The following AMBRA1 variants were observed in gnomAD, a reference collection of about 807,000 sequenced individuals.
The protein encoded by AMBRA1 is autophagy and beclin 1 regulator 1.
In AMBRA1, 47 loss-of-function variants were observed where a neutral mutation model predicts 125.4. The observed-to-expected ratio is 0.37, with a 90% CI of 0.30 to 0.48. AMBRA1 has a LOEUF of 0.48. Ranked by LOEUF, AMBRA1 falls within the 20% of genes least tolerant of loss-of-function variation. AMBRA1 has a pLI of 0.99. For missense variants in AMBRA1, 1,331 were observed against 1,693.4 expected (o/e 0.79, Z 3.76); for synonymous variants, 626 against 655.5 (o/e 0.95, Z 0.69).
chr11:46,494,183 C>T lies in AMBRA1; in HGVS notation c.2361G>A (p.Arg787=). Residue 787 remains arginine (R), a synonymous_variant, in exon 10 of 18, where the codon AGG becomes AGA. Coordinates refer to ENST00000683756, the MANE Select transcript of AMBRA1 (RefSeq NM_001387011.1). ...EDFEDNGDRS[R]HRAPRNARMS... ...TCCGGGCATTGCGTGGAGCTCGGTG[C>T]CTGGATCTGTCACCATTGTCCCTGA... 1 of 1,602,656 alleles carries T rather than the reference C, an allele frequency of 6.2e-7. No individual in the cohort carries two copies. The highest frequency in any genetic ancestry group is 8.5e-7 in the Non-Finnish European group (1 of 1,174,126).
chr11:46,477,362 G>A (rs1030044135), intron 11 of AMBRA1, among the ~76,000 whole-genome samples: 1 of 149,892 alleles, frequency 6.7e-6, no homozygotes, highest in South Asian at 2.1e-4. Context: ...CTGTCACTCA[G>A]ACTGGAGTGC....
intron 1 of AMBRA1, among the ~76,000 whole-genome samples, chr11:46,571,650 TAG>T (rs1325074085): frequency 6.6e-6 from 1 of 150,948 alleles, no homozygotes; most frequent in African/African-American, 2.4e-5. Flanking sequence ...CACTCTAGCC[TAG>T]GTGACAGAAT....
At chr11:46,556,406 C>T (rs369798860) in intron 1 of AMBRA1, among the ~76,000 whole-genome samples, 68 of 152,206 alleles carry the variant, frequency 4.5e-4, no homozygotes, top group African/African-American at 1.5e-3. Flanking sequence ...AACACATTCC[C>T]GAAGGCAAAC....
intron 7 of AMBRA1, among the ~76,000 whole-genome samples, chr11:46,517,935 G>T (rs183860389): frequency 6.6e-6 from 1 of 151,650 alleles, no homozygotes; most frequent in East Asian, 1.9e-4. Context: ...TATATATAGA[G>T]AGAGAGAGAA....
At chr11:46,571,605 G>A (rs1405701509) in intron 1 of AMBRA1, among the ~76,000 whole-genome samples, 2 of 151,844 alleles carry the variant, frequency 1.3e-5, no homozygotes, top group Non-Finnish European at 2.9e-5. Flanking sequence ...AGCCTGGAAG[G>A]TCAAGGCTGC....
intron 14 of AMBRA1, among the ~76,000 whole-genome samples, chr11:46,431,989 T>G (rs1351345257): frequency 2.0e-5 from 3 of 152,256 alleles, no homozygotes; most frequent in Admixed American, 2.0e-4. Flanking sequence ...CATCATTGGT[T>G]CTGCTAGTTA....
chr11:46,450,949 T>G (rs1036103618), intron 11 of AMBRA1, among the ~76,000 whole-genome samples: 5 of 152,170 alleles, frequency 3.3e-5, no homozygotes, highest in African/African-American at 4.8e-5. Context: ...TGGGGAAGCC[T>G]GTGGGTGTAA....
At chr11:46,470,041 T>C (rs945222261) in intron 11 of AMBRA1, among the ~76,000 whole-genome samples, 2 of 152,138 alleles carry the variant, frequency 1.3e-5, no homozygotes, top group South Asian at 2.1e-4. Flanking sequence ...TAACTAAGCA[T>C]TGTGTAGCAA....
chr11:46,573,055 C>T (rs1018885855), intron 1 of AMBRA1, among the ~76,000 whole-genome samples: 12 of 148,810 alleles, frequency 8.1e-5, no homozygotes, highest in Non-Finnish European at 1.5e-4. Flanking sequence ...GAGCCAAGAT[C>T]GCGCCATTGC....
At chr11:46,422,774 T>C (rs1244071729) in intron 14 of AMBRA1, among the ~76,000 whole-genome samples, 2 of 152,002 alleles carry the variant, frequency 1.3e-5, no homozygotes, top group African/African-American at 4.8e-5. Flanking sequence ...AAAGAAAAAC[T>C]TTATGGTTAT....
intron 1 of AMBRA1, among the ~76,000 whole-genome samples, chr11:46,549,931 G>C (rs567545053): frequency 3.9e-5 from 6 of 152,142 alleles, no homozygotes; most frequent in Non-Finnish European, 8.8e-5. Context: ...CAATTCTCCT[G>C]CCTCAGCCTC....
intron 9 of AMBRA1, among the ~76,000 whole-genome samples, chr11:46,497,849 A>G (rs981169328): frequency 2.6e-5 from 4 of 152,204 alleles, no homozygotes; most frequent in Admixed American, 1.3e-4. Context: ...TAGATTCTAT[A>G]GTTTAGAAAG....
At chr11:46,478,516 A>G (rs1273264722) in intron 11 of AMBRA1, among the ~76,000 whole-genome samples, 1 of 152,172 alleles carries the variant, frequency 6.6e-6, no homozygotes, top group African/African-American at 2.4e-5. Flanking sequence ...GAGAAAAGGT[A>G]GTTTCCCTGA....
In AMBRA1 at chr11:46,542,064, G is replaced by C. The variant is rs1259663769; in HGVS notation, c.1953C>G (p.Asn651Lys). 6.2e-7 allele frequency: 1 copy of C among 1,613,904 alleles called. No homozygotes were observed. Among genetic ancestry groups the C allele is most frequent in the Non-Finnish European group, 8.5e-7 (1 of 1,179,940 alleles). ...TTCTTTCCCAGTGGCCTGTCTCCTG[G>C]TTAAAGGCCACCCCCACAGTCCTCT... ...QEERTVGVAF[N>K]QETGHWERIY... The change falls in exon 7 of 18, where the codon AAC becomes AAG. Residue 651 changes from asparagine to lysine, a missense_variant. By Grantham distance (94) the Asn-to-Lys change is moderately conservative (BLOSUM62 0). Transcript: ENST00000683756. The surrounding 1 kb of genome is among the most constrained non-coding windows in gnomAD (Gnocchi z 5.9).
At chr11:46,506,813 A>G (rs1401029934) in intron 9 of AMBRA1, among the ~76,000 whole-genome samples, 1 of 152,182 alleles carries the variant, frequency 6.6e-6, no homozygotes, top group Non-Finnish European at 1.5e-5. Flanking sequence ...AAGAAACACA[A>G]TGAATGGCTA....
At position 46,593,182 on chromosome 11, in the gene AMBRA1, TG is replaced by T. The variant is rs566795538; in HGVS notation, c.-121+645del. On this transcript the variant is annotated intron_variant, in intron 1 of 17. Transcript: ENST00000683756. ...TAACAGTCTATATTCCTAGGAAAAT[TG>T]GGATCACAGACGATCAAACAATAAC... Among the ~76,000 whole-genome samples, 411 of 152,254 alleles carry T rather than the reference TG, an allele frequency of 2.7e-3. 2 individuals are homozygous for T. Among genetic ancestry groups the T allele is most frequent in the African/African-American group, 9.6e-3 (397 of 41,550 alleles).
chr11:46,543,992 T>G lies in AMBRA1; in HGVS notation c.601A>C (p.Asn201His). Residue 201 changes from asparagine (N) to histidine (H), a missense_variant, in exon 6 of 18, where the codon AAC becomes CAC. By Grantham distance (68) the Asn-to-His change is moderately conservative. This residue lies in a region of AMBRA1 where 689 missense variants were observed against 776.5 expected (regional missense o/e 0.89). Coordinates refer to ENST00000683756, the MANE Select transcript of AMBRA1 (RefSeq NM_001387011.1). The part of the protein sequence containing the change: ...LGHYLLTAIV[N>H]PSNQQGDDEP... ...TAACTTACCTGTTGATTAGAGGGGT[T>G]AACAATTGCTGTGAGTAAGTAGTGT... is the stretch of plus-strand genomic sequence containing the variant. 1 of 1,613,954 alleles carries G rather than the reference T, an allele frequency of 6.2e-7. No homozygotes were observed. The highest frequency in any genetic ancestry group is 1.3e-5 in the African/African-American group (1 of 75,046).
chr11:46,518,681 T>C (rs1951629177), intron 7 of AMBRA1, among the ~76,000 whole-genome samples: 2 of 152,088 alleles, frequency 1.3e-5, no homozygotes, highest in South Asian at 4.1e-4. Context: ...TCTAAAACAT[T>C]TGCTTACATA....
Position 46,542,838 on chromosome 11 carries a change from G to A in AMBRA1, c.1179C>T (p.Arg393=). The A allele has an allele frequency of 1.2e-6, 2 of 1,614,020 alleles. No individual in the cohort carries two copies. The highest frequency in any genetic ancestry group is 1.1e-5 in the South Asian group (1 of 91,068). The change falls in exon 7 of 18, where the codon CGC becomes CGT. Residue 393 remains arginine (R), a synonymous_variant. Coordinates refer to ENST00000683756, the MANE Select transcript of AMBRA1 (RefSeq NM_001387011.1). This position sits in a 1 kb window ranked among gnomAD's most constrained non-coding sequence, Gnocchi z 5.9. ...LRNLSLGPTR[R]SLGGPLSSHP... Reference sequence around the variant, plus strand: ...GGCTAGACAGAGGCCCTCCCAAAGAGCGGCGGGTAGGACCCAGACTGAGGT... The same window carrying A: ...GGCTAGACAGAGGCCCTCCCAAAGAACGGCGGGTAGGACCCAGACTGAGGT...
Sources: gnomAD v4.1 joint callset for allele counts (sites outside exome capture counted in the v4.1 genomes callset) on GRCh38, gnomAD v4.1.1 for gene constraint, gnomAD v4.1.1 regional missense constraint, Gnocchi (gnomAD v3.1) non-coding constraint, MANE v1.5 for transcripts, NCBI Gene and HGNC (gene_info 2026-07-23, HGNC 2026-07-21) for gene names.